Variants in FTO observed in about 807,000 individuals in gnomAD.
The protein encoded by FTO is alpha-ketoglutarate-dependent dioxygenase FTO.
Under a neutral mutation model 63.9 loss-of-function variants are expected in FTO, and 47 were observed. That is an observed-to-expected ratio of 0.74 (90% confidence interval 0.58 to 0.94). The LOEUF is 0.94. Among genes scored for constraint, FTO ranks in the 40% least tolerant of loss-of-function variants. The pLI, the probability that FTO is intolerant of heterozygous loss-of-function variation, is 0.00. For synonymous variants in FTO, 207 were observed against 224.4 expected (o/e 0.92, Z 0.69); for missense variants, 562 against 618.1 (o/e 0.91, Z 0.96).
intron 8 of FTO, among the ~76,000 whole-genome samples, chr16:54,018,597 G>A (rs1469581821): frequency 6.6e-6 from 1 of 152,172 alleles, no homozygotes; most frequent in Non-Finnish European, 1.5e-5. Flanking sequence ...GACCCAGTGG[G>A]AGGTAATTGA....
chr16:53,704,026 G>T (rs1446072090), upstream of FTO: 1 of 785,544 alleles, frequency 1.3e-6, no homozygotes, highest in Admixed American at 2.0e-5. Context: ...GCGCTCGCGG[G>T]TGTCGCCGCG....
rs372271350 is a variant in FTO at position 53,916,329 on chromosome 16, CT to C, written c.1240-17654del. ...AGGGTACCACTATCCGGTTCATATGCTTGGGTCTCTCTGTGTTCTCATTGAG... is the reference window on the plus strand; with the variant it reads ...AGGGTACCACTATCCGGTTCATATGCTGGGTCTCTCTGTGTTCTCATTGAG... On this transcript the variant is annotated intron_variant, in intron 7 of 8. Coordinates refer to ENST00000471389, the MANE Select transcript of FTO (RefSeq NM_001080432.3). Among the ~76,000 whole-genome samples, 485 of 152,212 alleles carry C rather than the reference CT, an allele frequency of 3.2e-3. 3 individuals are homozygous for C. Among genetic ancestry groups the C allele is most frequent in the African/African-American group, 0.011 (462 of 41,512 alleles).
intron 7 of FTO, among the ~76,000 whole-genome samples, chr16:53,896,932 A>G (rs1401124780): frequency 1.3e-5 from 2 of 152,160 alleles, no homozygotes; most frequent in African/African-American, 2.4e-5. Flanking sequence ...AAATGTCTCT[A>G]TGGAGAAATG....
At chr16:53,774,787 G>A (rs1368336943) in intron 1 of FTO, among the ~76,000 whole-genome samples, 5 of 152,090 alleles carry the variant, frequency 3.3e-5, no homozygotes, top group Non-Finnish European at 4.4e-5. Flanking sequence ...CACTCGGGAA[G>A]GGCTAAGAAT....
chr16:53,940,440 T>G (rs1644001602), intron 8 of FTO, among the ~76,000 whole-genome samples: 1 of 152,210 alleles, frequency 6.6e-6, no homozygotes, highest in Admixed American at 6.5e-5. Context: ...CCCGTTACCA[T>G]GGTCAGGCCT....
chr16:53,759,693 C>CAAAAAA (rs758376530), intron 1 of FTO, among the ~76,000 whole-genome samples: 7 of 28,478 alleles, frequency 2.5e-4, no homozygotes, highest in East Asian at 1.0e-3. Context: ...GACTCCTTCT[C>CAAAAAA]AAAAAAAAAA....
At position 54,114,603 on chromosome 16, in the gene FTO, T is replaced by C. The variant is rs1255388935; in HGVS notation, c.*2688T>C. 1.3e-5 allele frequency: 2 copies of C among 152,114 alleles called. No individual in the cohort carries two copies. Among genetic ancestry groups the C allele is most frequent in the Non-Finnish European group, 2.9e-5 (2 of 68,048 alleles). 9.4% of individuals were successfully genotyped at this position (152,114 alleles called of 1,614,324 possible). ...CAACAGGGTTGGAGAAATCACTACT[T>C]TAAGTGAATCCGAAAGGTGAGATCA... is the stretch of plus-strand genomic sequence containing the variant. On this transcript the variant is annotated 3_prime_UTR_variant, in exon 9 of 9. Transcript: ENST00000471389.
intron 8 of FTO, among the ~76,000 whole-genome samples, chr16:53,980,892 A>T (rs2083526813): frequency 6.6e-6 from 1 of 152,372 alleles, no homozygotes; most frequent in African/African-American, 2.4e-5. Flanking sequence ...TTGCTGATAC[A>T]GTTTAGAATT....
intron 8 of FTO, among the ~76,000 whole-genome samples, chr16:54,056,629 C>T (rs1486821938): frequency 6.6e-6 from 1 of 152,158 alleles, no homozygotes; most frequent in African/African-American, 2.4e-5. Flanking sequence ...ATGGAGAAGC[C>T]CTTAAGTTGC....
At chr16:54,069,521 A>C (rs2085812274) in intron 8 of FTO, among the ~76,000 whole-genome samples, 1 of 152,208 alleles carries the variant, frequency 6.6e-6, no homozygotes, top group Non-Finnish European at 1.5e-5. Flanking sequence ...GCAATAGAGA[A>C]TCTATACCAA....
chr16:53,812,712 A>G (rs1174292213), intron 2 of FTO, among the ~76,000 whole-genome samples: 1 of 152,146 alleles, frequency 6.6e-6, no homozygotes, highest in Non-Finnish European at 1.5e-5. Flanking sequence ...ACACGTACAC[A>G]CTTCCCCAGG....
At chr16:53,704,395 C>T (rs1426504356) in intron 1 of FTO, among the ~76,000 whole-genome samples, 166 bp downstream of exon 1, 2 of 152,182 alleles carry the variant, frequency 1.3e-5, no homozygotes, top group African/African-American at 4.8e-5. Context: ...GTTACAAATT[C>T]GTGCTCTTCA....
intron 4 of FTO, among the ~76,000 whole-genome samples, chr16:53,859,790 G>C (rs1762722656): frequency 6.6e-6 from 1 of 152,166 alleles, no homozygotes; most frequent in South Asian, 2.1e-4. Flanking sequence ...TAGATAACAA[G>C]TGTTGGTGAG....
chr16:53,789,794 A>C (rs1226094941), intron 1 of FTO, among the ~76,000 whole-genome samples: 1 of 150,304 alleles, frequency 6.7e-6, no homozygotes, highest in Non-Finnish European at 1.5e-5. Flanking sequence ...ATATGTATGT[A>C]TGTATACATG....
intron 4 of FTO, among the ~76,000 whole-genome samples, chr16:53,868,892 C>T (rs1045847512): frequency 9.2e-5 from 14 of 151,936 alleles, no homozygotes; most frequent in Admixed American, 6.6e-5. Context: ...AGTGCAGTGG[C>T]GTGATCTTGG....
intron 7 of FTO, among the ~76,000 whole-genome samples, chr16:53,931,298 CTTTTTTTTTTT>C (rs869204000): frequency 9.8e-6 from 1 of 101,964 alleles, no homozygotes; most frequent in African/African-American, 3.8e-5. Flanking sequence ...AACTATGTGA[CTTTTTTTTTTT>C]TTTTTTTTTT....
At chr16:53,888,695 G>A in intron 6 of FTO, 137 bp from the exon 7 acceptor site, 1 of 911,202 alleles carries the variant, frequency 1.1e-6, no homozygotes, top group Admixed American at 1.7e-5. Context: ...ACTGGGAACT[G>A]GTTAGGCTGA....
chr16:53,763,222 G>A (rs1404309518), intron 1 of FTO, among the ~76,000 whole-genome samples: 2 of 151,970 alleles, frequency 1.3e-5, no homozygotes, highest in African/African-American at 2.4e-5. Flanking sequence ...AATTTGTTTT[G>A]CCCCTGTGCC....
chr16:53,828,119 C>T (rs1236772672), intron 3 of FTO, among the ~76,000 whole-genome samples: 2 of 152,152 alleles, frequency 1.3e-5, no homozygotes, highest in Non-Finnish European at 2.9e-5. Flanking sequence ...ACAAAGTATA[C>T]AAATATAAAT....
Sources: gnomAD v4.1 joint callset for allele counts (sites outside exome capture counted in the v4.1 genomes callset) on GRCh38, gnomAD v4.1.1 for gene constraint, MANE v1.5 for transcripts, NCBI Gene and HGNC (gene_info 2026-07-23, HGNC 2026-07-21) for gene names.